The following SIDT1 variants were observed in gnomAD, a reference collection of about 807,000 sequenced individuals.
SIDT1 encodes the protein SID1 transmembrane family, member 1.
In SIDT1, 101 loss-of-function variants were observed where a neutral mutation model predicts 107.5. The ratio of observed to expected loss-of-function variants is 0.94; its 90% CI spans 0.80 to 1.11. SIDT1 has a LOEUF of 1.11. SIDT1 is among the 50% of genes least tolerant of loss of function. The probability of loss-of-function intolerance (pLI) is 0.00; values close to 1 mark genes in which losing one functional copy is unlikely to be tolerated. For synonymous variants in SIDT1, 395 were observed against 398.2 expected, an observed-to-expected ratio of 0.99 and a Z score of 0.10; for missense variants, 1,076 against 1,058.2, an observed-to-expected ratio of 1.02 and a Z score of -0.23.
intron 6 of SIDT1, chr3:113,581,673 G>C (rs993658920): frequency 2.1e-6 from 1 of 473,926 alleles, no homozygotes; most frequent in African/African-American, 2.0e-5. Flanking sequence ...AGGAGTTTGA[G>C]ACCAGCCTGG....
At chr3:113,558,741 C>A (rs138825933) in intron 1 of SIDT1, among the ~76,000 whole-genome samples, 10 of 152,180 alleles carry the variant, frequency 6.6e-5, no homozygotes, top group Non-Finnish European at 2.9e-5. Context: ...TTGTTTCCAA[C>A]CCAGGAGACT....
At chr3:113,580,881 C>T (rs1372268036) in intron 5 of SIDT1, among the ~76,000 whole-genome samples, 172 bp downstream of exon 5, 2 of 152,048 alleles carry the variant, frequency 1.3e-5, no homozygotes, top group Non-Finnish European at 2.9e-5. Context: ...TGTTTGCAGA[C>T]ACTAATTTGG....
At chr3:113,539,338 G>T (rs990247758) in intron 1 of SIDT1, among the ~76,000 whole-genome samples, 7 of 152,124 alleles carry the variant, frequency 4.6e-5, no homozygotes, top group African/African-American at 1.4e-4. Context: ...GAATTCTTCT[G>T]GTAAAACTCA....
At chr3:113,590,501 C>T (rs1042359621) in intron 9 of SIDT1, among the ~76,000 whole-genome samples, 1 of 152,132 alleles carries the variant, frequency 6.6e-6, no homozygotes, top group African/African-American at 2.4e-5. Context: ...ATAAAATTCG[C>T]CCCTTTAAAG....
At chr3:113,577,487 A>C (rs189154144) in intron 4 of SIDT1, among the ~76,000 whole-genome samples, 23 of 151,320 alleles carry the variant, frequency 1.5e-4, no homozygotes, top group African/African-American at 5.3e-4. Flanking sequence ...TCATAAAGAA[A>C]GAGCCAGAAT....
intron 21 of SIDT1, among the ~76,000 whole-genome samples, chr3:113,620,192 A>ATATGTGTGTG (rs111631190): frequency 1.4e-4 from 20 of 144,654 alleles, no homozygotes; most frequent in East Asian, 1.0e-3. Flanking sequence ...CTTTTACTAA[A>ATATGTGTGTG]TGTGTGTGTG....
At chr3:113,574,544 C>T (rs546439352) in intron 3 of SIDT1, among the ~76,000 whole-genome samples, 2 of 152,112 alleles carry the variant, frequency 1.3e-5, no homozygotes, top group Admixed American at 1.3e-4. Context: ...AAAGTTTGTC[C>T]TGCCTCTCTT....
intron 10 of SIDT1, among the ~76,000 whole-genome samples, chr3:113,595,495 C>T (rs189959517): frequency 6.6e-6 from 1 of 151,938 alleles, no homozygotes; most frequent in Admixed American, 6.5e-5. Flanking sequence ...GGGAGGATCG[C>T]TTGAGCCCAG....
chr3:113,561,384 A>G (rs1415623992), intron 1 of SIDT1, among the ~76,000 whole-genome samples: 1 of 152,176 alleles, frequency 6.6e-6, no homozygotes, highest in Admixed American at 6.5e-5. Context: ...TAGTAAGAAC[A>G]TTATTAAATA....
intron 1 of SIDT1, among the ~76,000 whole-genome samples, chr3:113,534,533 T>C (rs1698741798): frequency 6.6e-6 from 1 of 152,214 alleles, no homozygotes; most frequent in South Asian, 2.1e-4. Flanking sequence ...CATTTCATGG[T>C]AGACAAGGGA....
downstream of SIDT1, among the ~76,000 whole-genome samples, chr3:113,630,919 T>C (rs913633445): frequency 3.9e-5 from 6 of 152,118 alleles, no homozygotes; most frequent in African/African-American, 7.2e-5. Flanking sequence ...ACCAACTGTT[T>C]CGTTTCCTGT....
intron 1 of SIDT1, among the ~76,000 whole-genome samples, chr3:113,549,593 G>A (rs1939982650): frequency 6.6e-6 from 1 of 151,926 alleles, no homozygotes. Flanking sequence ...TTTAAATTTG[G>A]TTGTTTTATT....
intron 18 of SIDT1, among the ~76,000 whole-genome samples, chr3:113,611,867 G>T (rs1333265452): frequency 1.3e-5 from 2 of 151,184 alleles, no homozygotes; most frequent in African/African-American, 4.9e-5. Context: ...CTATTTGGCT[G>T]CCTCTCCTAT....
At chr3:113,571,020 G>T (rs1440948374) in intron 3 of SIDT1, among the ~76,000 whole-genome samples, 1 of 152,130 alleles carries the variant, frequency 6.6e-6, no homozygotes, top group South Asian at 2.1e-4. Flanking sequence ...CCAGTTCTGC[G>T]CTCTTCTCGC....
intron 21 of SIDT1, among the ~76,000 whole-genome samples, chr3:113,621,268 A>G (rs1285527498): frequency 6.6e-6 from 1 of 152,172 alleles, no homozygotes; most frequent in East Asian, 1.9e-4. Flanking sequence ...TAAAGATTTC[A>G]AAATCTGGGA....
chr3:113,571,942 CACAA>C (rs1426159284), intron 3 of SIDT1, among the ~76,000 whole-genome samples: 13 of 152,120 alleles, frequency 8.5e-5, no homozygotes, highest in African/African-American at 3.1e-4. Context: ...CTCACACACA[CACAA>C]AAAAAATTAA....
Position 113,532,799 on chromosome 3 carries a change from C to G in SIDT1, c.-223C>G, listed in dbSNP as rs920607721. 6 of 392,716 alleles carry G rather than the reference C, an allele frequency of 1.5e-5. 1 individual carries two copies. In the South Asian group the frequency reaches 6.9e-4, roughly 45 times the overall value. 24.3% of individuals were successfully genotyped at this position (392,716 alleles called of 1,614,324 possible). On this transcript the variant is annotated 5_prime_UTR_variant, in exon 1 of 25. Coordinates refer to ENST00000264852, the MANE Select transcript of SIDT1 (RefSeq NM_017699.3). ...ATCTCCACTTCTCCAGTCCGCCCTA[C>G]TCTCCACCCGTGACCTCCAGTGGAG...
At chr3:113,554,283 C>T (rs894187153) in intron 1 of SIDT1, among the ~76,000 whole-genome samples, 1 of 152,066 alleles carries the variant, frequency 6.6e-6, no homozygotes, top group Non-Finnish European at 1.5e-5. Flanking sequence ...TAAAAGGGTC[C>T]CAAGTGTAAG....
chr3:113,581,210 A>T, intron 5 of SIDT1, 151 bp from the exon 6 acceptor site: 3 of 657,446 alleles, frequency 4.6e-6, no homozygotes, highest in Non-Finnish European at 8.1e-6. Flanking sequence ...CTATGTCATG[A>T]CTGTTCAAGG....
Sources: allele counts gnomAD v4.1 joint callset (sites outside exome capture counted in the v4.1 genomes callset), GRCh38; gene constraint gnomAD v4.1.1; transcripts MANE v1.5; gene names NCBI Gene and HGNC (gene_info 2026-07-23, HGNC 2026-07-21).